Variants in RGS6 observed in about 807,000 individuals in gnomAD.
RGS6 encodes regulator of G-protein signaling 6.
RGS6 carries 30 observed loss-of-function variants against 78.5 expected under a neutral mutation model. That is an observed-to-expected ratio of 0.38 (90% CI 0.29 to 0.52). The LOEUF (loss-of-function observed/expected upper bound fraction) is 0.52. Ranked by LOEUF, RGS6 falls within the 20% of genes least tolerant of loss-of-function variation. The pLI is 0.85. For synonymous variants in RGS6, 206 were observed against 206.0 expected (o/e 1.00, Z 0.00); for missense variants, 495 against 609.7 (o/e 0.81, Z 1.98).
At position 72,052,975 on chromosome 14, in the gene RGS6, TTCTTTCTTTCTCTCTCTCTC is replaced by T. The variant is rs1267256137; in HGVS notation, c.84+88104_84+88123del. ...TTTCTTTCTTTCTTTCTTTCTTTCT[TTCTTTCTTTCTCTCTCTCTC>T]TCTCTCTCTCTTTCTTTCCTTCTTT... On this transcript the variant is annotated intron_variant, in intron 2 of 17. Transcript: ENST00000553525. Among the ~76,000 whole-genome samples the T allele has an allele frequency of 1.5e-3, 75 of 51,380 alleles. 1 individual carries two copies. Among genetic ancestry groups the T allele is most frequent in the South Asian group, 4.9e-3 (6 of 1,220 alleles). The allele number at this position is 51,380 out of a possible 152,430, so 33.7% of individuals were successfully genotyped here.
intron 2 of RGS6, among the ~76,000 whole-genome samples, chr14:71,968,701 T>C (rs942448947): frequency 2.6e-5 from 4 of 152,194 alleles, no homozygotes; most frequent in African/African-American, 9.7e-5. Flanking sequence ...CACAGACTAC[T>C]GTTACCACAT....
chr14:71,950,547 G>A (rs928402875), intron 1 of RGS6, among the ~76,000 whole-genome samples: 9 of 152,118 alleles, frequency 5.9e-5, no homozygotes, highest in African/African-American at 2.2e-4. Context: ...AAAAGCAATT[G>A]CAACAAAAGC....
At chr14:72,340,455 G>A (rs2076786018) in intron 2 of RGS6, among the ~76,000 whole-genome samples, 2 of 152,290 alleles carry the variant, frequency 1.3e-5, no homozygotes, top group African/African-American at 2.4e-5. Context: ...AGGAGGGGCA[G>A]CAGAAGCAGC....
At chr14:72,404,897 G>A (rs1487508852) in intron 3 of RGS6, among the ~76,000 whole-genome samples, 1 of 152,156 alleles carries the variant, frequency 6.6e-6, no homozygotes, top group Non-Finnish European at 1.5e-5. Context: ...TTTCTCCCTA[G>A]GAGAGTGCCC....
chr14:72,045,206 T>C (rs1412785645), intron 2 of RGS6, among the ~76,000 whole-genome samples: 1 of 152,234 alleles, frequency 6.6e-6, no homozygotes, highest in Non-Finnish European at 1.5e-5. Flanking sequence ...ATATTAATCA[T>C]AGTTATTTTA....
chr14:72,397,075 C>T (rs1411586401), intron 3 of RGS6, among the ~76,000 whole-genome samples: 1 of 152,150 alleles, frequency 6.6e-6, no homozygotes, highest in African/African-American at 2.4e-5. Context: ...TTTTCCAATT[C>T]TGTGAAGAAA....
the RGS6 span, among the ~76,000 whole-genome samples, chr14:72,588,162 T>A: frequency 6.6e-6 from 1 of 152,196 alleles, no homozygotes. Context: ...CGAGCTCTCA[T>A]CTGGAAGCCT....
At chr14:72,571,426 G>A (rs10149850), downstream of RGS6, among the ~76,000 whole-genome samples, 289 of 152,304 alleles carry the variant, frequency 1.9e-3, 2 homozygotes, top group African/African-American at 6.1e-3. Context: ...CAAAACTCAT[G>A]ACAAGGCTAC....
chr14:72,186,706 A>G (rs149643), intron 2 of RGS6, among the ~76,000 whole-genome samples: 12 of 150,030 alleles, frequency 8.0e-5, no homozygotes, highest in South Asian at 2.1e-4. Context: ...CTTCATCTAC[A>G]TTTTTTTTTT....
chr14:72,166,831 G>A lies in RGS6; in HGVS notation c.85-185264G>A, dbSNP rs149323756. On this transcript the variant is annotated intron_variant, in intron 2 of 17. Transcript: ENST00000553525. ...CATTCTATTTTCTTCTCTGTCAAAC[G>A]TACTCACTATATTGTGAGTGTTTTC... is the stretch of plus-strand genomic sequence containing the variant. 4.9e-4 allele frequency among the ~76,000 whole-genome samples: 74 copies of A among 152,224 alleles called. No individual in the cohort carries two copies. In the East Asian group the frequency reaches 0.013, roughly 26 times the overall value.
chr14:72,325,315 C>A (rs2073419205), intron 2 of RGS6, among the ~76,000 whole-genome samples: 2 of 152,170 alleles, frequency 1.3e-5, no homozygotes. Flanking sequence ...CCTGTTCACT[C>A]TGATGGTAGT....
chr14:72,363,976 C>CA (rs2081980287), intron 3 of RGS6, among the ~76,000 whole-genome samples: 2 of 124,742 alleles, frequency 1.6e-5, no homozygotes, highest in South Asian at 5.3e-4. Flanking sequence ...ACAATCTAAC[C>CA]ATCACTTGTC....
At chr14:71,995,394 A>G (rs2095153541) in intron 2 of RGS6, among the ~76,000 whole-genome samples, 1 of 152,210 alleles carries the variant, frequency 6.6e-6, no homozygotes. Context: ...CCCTGTGGGC[A>G]TTGGAGCCTG....
At chr14:72,334,212 G>T (rs2075605748) in intron 2 of RGS6, among the ~76,000 whole-genome samples, 1 of 152,196 alleles carries the variant, frequency 6.6e-6, no homozygotes, top group African/African-American at 2.4e-5. Flanking sequence ...TCCCCATAAG[G>T]CTCAGTGCTG....
intron 1 of RGS6, among the ~76,000 whole-genome samples, chr14:71,956,450 C>A (rs975748222): frequency 6.6e-6 from 1 of 151,680 alleles, no homozygotes; most frequent in African/African-American, 2.4e-5. Context: ...CTTACATGAT[C>A]ACAAGGTCCC....
In RGS6 at chr14:72,118,627, A is replaced by T. The variant is rs562593033; in HGVS notation, c.84+153752A>T. Among the ~76,000 whole-genome samples the T allele has an allele frequency of 7.9e-5, 12 of 152,340 alleles. No individual in the cohort carries two copies. The South Asian group carries it at 1.4e-3, about 18-fold the overall frequency. ...GTTTCCAAAATATCTTTCTGAGGTC[A>T]TTACAGGGTCATAGCCCTGGACAGC... On this transcript the variant is annotated intron_variant, in intron 2 of 17. Transcript: ENST00000553525.
At chr14:72,328,266 G>GA (rs145126458) in intron 2 of RGS6, among the ~76,000 whole-genome samples, 2,315 of 152,240 alleles carry the variant, frequency 0.015, 63 homozygotes, top group African/African-American at 0.053. Context: ...GTCATACCCA[G>GA]AAATAATGTT....
chr14:72,492,040 TA>T (rs2096585168), intron 12 of RGS6, among the ~76,000 whole-genome samples: 1 of 151,932 alleles, frequency 6.6e-6, no homozygotes, highest in African/African-American at 2.4e-5. Context: ...CACCTGAAAA[TA>T]AGAGAATTAA....
intron 2 of RGS6, among the ~76,000 whole-genome samples, chr14:72,139,247 G>T (rs1240977379): frequency 2.0e-5 from 3 of 152,192 alleles, no homozygotes; most frequent in Admixed American, 6.5e-5. Context: ...AAGACCTGCT[G>T]CCCAAGCCAC....
Sources: gnomAD v4.1 joint callset for allele counts (sites outside exome capture counted in the v4.1 genomes callset) on GRCh38, gnomAD v4.1.1 for gene constraint, MANE v1.5 for transcripts, NCBI Gene and HGNC (gene_info 2026-07-23, HGNC 2026-07-21) for gene names.